Variants in LRRC37A2 observed in about 807,000 individuals in gnomAD.
LRRC37A2 encodes leucine rich repeat containing 37 member A2.
LRRC37A2 carries 9 observed loss-of-function variants against 68.8 expected under a neutral mutation model. The observed-to-expected ratio is 0.13, with a 90% CI of 0.08 to 0.23. The LOEUF (loss-of-function observed/expected upper bound fraction) is 0.23, where lower values mean the gene tolerates loss of function less well. Ranked by LOEUF, LRRC37A2 falls within the 10% of genes least tolerant of loss-of-function variation. The probability of loss-of-function intolerance (pLI) is 1.00; values close to 1 mark genes in which losing one functional copy is unlikely to be tolerated. For missense variants in LRRC37A2, 168 were observed against 950.4 expected, an observed-to-expected ratio of 0.18 and a Z score of 10.82; for synonymous variants, 63 against 367.6, an observed-to-expected ratio of 0.17 and a Z score of 9.48.
the LRRC37A2 span, chr17:46,876,951 G>C: frequency 7.6e-7 from 1 of 1,312,506 alleles, no homozygotes; most frequent in Non-Finnish European, 9.7e-7. Flanking sequence ...CCCCAACCTT[G>C]TTGAGGACTT....
At chr17:46,804,332 C>G in the LRRC37A2 span, among the ~76,000 whole-genome samples, 1 of 152,204 alleles carries the variant, frequency 6.6e-6, no homozygotes, top group African/African-American at 2.4e-5. Context: ...AGTGATCTGC[C>G]TGCCTCGGCC....
intron 7 of LRRC37A2, among the ~76,000 whole-genome samples, chr17:46,540,598 T>TAA (rs537940033): frequency 3.1e-4 from 37 of 120,300 alleles, no homozygotes; most frequent in African/African-American, 1.3e-3. Context: ...AAGATAATGG[T>TAA]AAAAAAAAAA....
chr17:46,819,596 C>T, the LRRC37A2 span, among the ~76,000 whole-genome samples: 2 of 152,310 alleles, frequency 1.3e-5, no homozygotes, highest in South Asian at 2.1e-4. The surrounding 1 kb of genome is among the most constrained non-coding windows in gnomAD (Gnocchi z 5.3). Context: ...GGCCCAGGTC[C>T]TTGGAAGACC....
chr17:46,864,886 T>G, the LRRC37A2 span, among the ~76,000 whole-genome samples: 2 of 152,154 alleles, frequency 1.3e-5, no homozygotes, highest in African/African-American at 2.4e-5. Context: ...CCAGGACACC[T>G]TCCAGGAGCC....
At chr17:46,807,495 T>G in the LRRC37A2 span, among the ~76,000 whole-genome samples, 1 of 151,804 alleles carries the variant, frequency 6.6e-6, no homozygotes, top group African/African-American at 2.4e-5. Context: ...AGTAAATAAA[T>G]AAACAGAAAA....
chr17:46,753,745 G>A, the LRRC37A2 span, among the ~76,000 whole-genome samples: 2 of 152,132 alleles, frequency 1.3e-5, no homozygotes, highest in Non-Finnish European at 2.9e-5. Context: ...GTGAGAGTGG[G>A]GCACTCAGGC....
the LRRC37A2 span, among the ~76,000 whole-genome samples, chr17:46,750,060 G>A: frequency 6.6e-6 from 1 of 152,124 alleles, no homozygotes; most frequent in South Asian, 2.1e-4. Context: ...TATCCAAAAT[G>A]CCTGGGACTA....
At chr17:46,392,425 CTTTCTCTCTTTCTT>C in the LRRC37A2 span, among the ~76,000 whole-genome samples, 1 of 51,438 alleles carries the variant, frequency 1.9e-5, no homozygotes, top group Non-Finnish European at 4.3e-5. Context: ...CTCTCTCTTT[CTTTCTCTCTTTCTT>C]TCTTTCTTTC....
At chr17:46,787,885 G>A in the LRRC37A2 span, among the ~76,000 whole-genome samples, 1 of 151,970 alleles carries the variant, frequency 6.6e-6, no homozygotes, top group East Asian at 1.9e-4. Context: ...GAACCTGGGA[G>A]GCAGAGGTTT....
chr17:47,006,319 T>A, the LRRC37A2 span, among the ~76,000 whole-genome samples: 19 of 152,098 alleles, frequency 1.2e-4, no homozygotes, highest in Non-Finnish European at 2.1e-4. Context: ...TAAAATAAAT[T>A]AATTAATTAA....
At chr17:46,935,408 T>G in the LRRC37A2 span, 1 of 1,429,926 alleles carries the variant, frequency 7.0e-7, no homozygotes, top group Non-Finnish European at 9.1e-7. Context: ...AGGATCCAGG[T>G]CTTTTCCCAT....
chr17:46,830,603 C>A, the LRRC37A2 span: 3 of 398,428 alleles, frequency 7.5e-6, no homozygotes, highest in Admixed American at 4.4e-5. Context: ...AATATTTATT[C>A]TTTTACTTTA....
At chr17:46,933,324 G>A in the LRRC37A2 span, 1 of 152,198 alleles carries the variant, frequency 6.6e-6, no homozygotes, top group Non-Finnish European at 1.5e-5. Flanking sequence ...GAGAGATAAT[G>A]GCCCATCAGC....
chr17:46,942,210 GAA>G, the LRRC37A2 span, among the ~76,000 whole-genome samples: 4 of 152,170 alleles, frequency 2.6e-5, no homozygotes, highest in Non-Finnish European at 5.9e-5. Context: ...CCAAAGCAAA[GAA>G]AGAAACGTCA....
the LRRC37A2 span, among the ~76,000 whole-genome samples, chr17:46,974,023 C>T: frequency 2.6e-5 from 4 of 152,234 alleles, no homozygotes; most frequent in South Asian, 8.3e-4. Context: ...GTGAACTTGG[C>T]TTAGACAAGT....
chr17:46,849,310 A>G, the LRRC37A2 span, among the ~76,000 whole-genome samples: 1 of 152,192 alleles, frequency 6.6e-6, no homozygotes, highest in South Asian at 2.1e-4. Context: ...CTTTCATGAA[A>G]TTTTGAAAAG....
the LRRC37A2 span, among the ~76,000 whole-genome samples, chr17:46,902,238 T>G: frequency 6.6e-6 from 1 of 152,094 alleles, no homozygotes; most frequent in Non-Finnish European, 1.5e-5. Context: ...GTGGTGCACA[T>G]GAGTTTAGGT....
At chr17:47,028,303 C>A in the LRRC37A2 span, 47 of 1,506,356 alleles carry the variant, frequency 3.1e-5, no homozygotes, top group Non-Finnish European at 4.2e-5. Context: ...AATGTAATTA[C>A]AGAACTCAGC....
chr17:47,029,201 C>T, the LRRC37A2 span, among the ~76,000 whole-genome samples: 1 of 151,802 alleles, frequency 6.6e-6, no homozygotes, highest in Non-Finnish European at 1.5e-5. Flanking sequence ...GATCCACCCA[C>T]CTCAGCCTCC....
Sources: gnomAD v4.1 joint callset for allele counts (sites outside exome capture counted in the v4.1 genomes callset) on GRCh38, gnomAD v4.1.1 for gene constraint, Gnocchi (gnomAD v3.1) non-coding constraint, MANE v1.5 for transcripts, NCBI Gene and HGNC (gene_info 2026-07-23, HGNC 2026-07-21) for gene names.